TP63: variants seen among roughly 807,000 people sequenced by gnomAD.
The protein encoded by TP63 is tumor protein p63.
A neutral mutation model predicts 82.8 loss-of-function variants in TP63; 17 were observed. The observed-to-expected ratio is 0.21, with a 90% CI of 0.14 to 0.31. TP63 has a LOEUF of 0.31. TP63 is among the 10% of genes least tolerant of loss of function. The pLI is 1.00. For missense variants in TP63, 648 were observed against 895.3 expected, an observed-to-expected ratio of 0.72 and a Z score of 3.52; for synonymous variants, 330 against 321.7, an observed-to-expected ratio of 1.03 and a Z score of -0.28.
chr3:189,605,995 C>T, the TP63 span, among the ~76,000 whole-genome samples: 1 of 152,082 alleles, frequency 6.6e-6, no homozygotes, highest in African/African-American at 2.4e-5. Flanking sequence ...CACTGTGGTT[C>T]CAAAGACCAT....
chr3:189,874,395 G>T (rs184545565), intron 10 of TP63, among the ~76,000 whole-genome samples: 177 of 152,214 alleles, frequency 1.2e-3, no homozygotes, highest in African/African-American at 4.2e-3. Context: ...TAATCAATAT[G>T]AATGTATCTC....
intron 3 of TP63, among the ~76,000 whole-genome samples, chr3:189,807,695 A>T (rs1186721265): frequency 5.3e-5 from 8 of 152,166 alleles, no homozygotes. Flanking sequence ...GCTACCCATG[A>T]TCCTCCAGTC....
rs1243012575 is a variant in TP63, at chr3:189,752,515, T to TA, written c.324+13742dup. On this transcript the variant is annotated intron_variant, in intron 3 of 13. Transcript: ENST00000264731. ...TTAATGTAAGTGGAATCTGTAATGA[T>TA]ATCTTCCACTTTCATTTATCATATT... Among the ~76,000 whole-genome samples the TA allele has an allele frequency of 2.6e-5, 4 of 152,200 alleles. No individual in the cohort carries two copies. The East Asian group carries it at 5.8e-4, about 22-fold the overall frequency.
intron 11 of TP63, among the ~76,000 whole-genome samples, chr3:189,887,297 A>T (rs1720553124): frequency 6.6e-6 from 1 of 152,110 alleles, no homozygotes; most frequent in Non-Finnish European, 1.5e-5. Flanking sequence ...TACTTCTCGA[A>T]TACTTAATTT....
rs778606951 is a variant in TP63 at position 189,894,312 on chromosome 3, G to A, written c.1853G>A (p.Arg618Gln). Reference protein sequence around the residue: ...HEFSSPSHLLRTPSSASTVSV... With the variant: ...HEFSSPSHLLQTPSSASTVSV... ...TTCTCCTCCCCTTCTCATCTCCTGCGGACCCCAAGCAGTGCCTCTACAGTC... is the reference window on the plus strand; with the variant it reads ...TTCTCCTCCCCTTCTCATCTCCTGCAGACCCCAAGCAGTGCCTCTACAGTC... Residue 618 changes from arginine to glutamine, a missense_variant, in exon 14 of 14, where the codon CGG becomes CAG. By Grantham distance (43) the Arg-to-Gln change is conservative (BLOSUM62 1). Transcript: ENST00000264731. 14 of 1,613,370 alleles carry A rather than the reference G, an allele frequency of 8.7e-6. No homozygotes were observed. Among genetic ancestry groups the A allele is most frequent in the East Asian group, 4.5e-5 (2 of 44,816 alleles).
Position 189,895,305 on chromosome 3 carries a change from G to A in TP63, c.*803G>A, listed in dbSNP as rs544230654. ...TGGGAATGAGGAAAATTCTTAAAAG[G>A]CCCATAGCAGCCAGTTCAAAAACAC... On this transcript the variant is annotated 3_prime_UTR_variant, in exon 14 of 14. Coordinates refer to ENST00000264731, the MANE Select transcript of TP63 (RefSeq NM_003722.5). The A allele has an allele frequency of 3.2e-4, 71 of 219,504 alleles. No homozygotes were observed. Among genetic ancestry groups the A allele is most frequent in the African/African-American group, 1.0e-3 (45 of 44,658 alleles). 13.6% of individuals were successfully genotyped at this position (219,504 alleles called of 1,614,324 possible). A position where few individuals can be genotyped will look rare whatever the true frequency, so the allele number is the denominator to read the frequency against.
intron 1 of TP63, among the ~76,000 whole-genome samples, chr3:189,635,336 T>C (rs907025625): frequency 1.3e-5 from 2 of 152,134 alleles, no homozygotes; most frequent in African/African-American, 4.8e-5. Context: ...GAAGTTACAG[T>C]GGAAGATCAT....
chr3:189,694,342 T>G (rs180872651), intron 1 of TP63, among the ~76,000 whole-genome samples: 1 of 152,282 alleles, frequency 6.6e-6, no homozygotes, highest in Non-Finnish European at 1.5e-5. Flanking sequence ...TAACTAAAGT[T>G]CATGCTTTAT....
intron 3 of TP63, among the ~76,000 whole-genome samples, chr3:189,803,580 C>T (rs1448761141): frequency 6.6e-6 from 1 of 152,114 alleles, no homozygotes; most frequent in Non-Finnish European, 1.5e-5. Flanking sequence ...TTATACCTAC[C>T]ATGCAAGCTG....
intron 4 of TP63, among the ~76,000 whole-genome samples, chr3:189,843,260 C>T (rs1714389802): frequency 6.6e-6 from 1 of 151,666 alleles, no homozygotes; most frequent in African/African-American, 2.4e-5. Flanking sequence ...CTAAGTGTCG[C>T]CCCACTCCCA....
At chr3:189,652,832 G>T (rs1009898379) in intron 1 of TP63, among the ~76,000 whole-genome samples, 1 of 146,716 alleles carries the variant, frequency 6.8e-6, no homozygotes, top group Admixed American at 6.7e-5. Context: ...TAAAGGGTTT[G>T]CCACTTTGCT....
At chr3:189,672,664 AGAAGGAAGGAAG>A (rs71173301) in intron 1 of TP63, among the ~76,000 whole-genome samples, 38,911 of 118,394 alleles carry the variant, frequency 0.33, 6,851 homozygotes, top group Non-Finnish European at 0.38. Context: ...AAGGAAGGAA[AGAAGGAAGGAAG>A]GAAGGAAGGA....
chr3:189,817,076 T>C (rs1175480707), intron 4 of TP63, among the ~76,000 whole-genome samples: 1 of 152,140 alleles, frequency 6.6e-6, no homozygotes, highest in Non-Finnish European at 1.5e-5. Flanking sequence ...GCAGGGACCT[T>C]AATTGCTAAT....
chr3:189,742,547 G>A (rs992477625), intron 3 of TP63, among the ~76,000 whole-genome samples: 2 of 152,094 alleles, frequency 1.3e-5, no homozygotes, highest in South Asian at 4.1e-4. Flanking sequence ...TATATGTGAA[G>A]AGGCTTCAGC....
chr3:189,867,793 A>T, intron 6 of TP63, 40 bp from the exon 7 acceptor site: 1 of 1,564,768 alleles, frequency 6.4e-7, no homozygotes, highest in Non-Finnish European at 8.8e-7. Context: ...ACGTCAGTTT[A>T]AACCCTTGTT....
intron 1 of TP63, among the ~76,000 whole-genome samples, chr3:189,684,212 T>C (rs558979908): frequency 6.2e-4 from 95 of 152,344 alleles, no homozygotes; most frequent in African/African-American, 2.2e-3. Context: ...CTATGGTATG[T>C]AAGACACTTT....
At chr3:189,704,130 G>A (rs1026088413) in intron 1 of TP63, among the ~76,000 whole-genome samples, 11 of 152,194 alleles carry the variant, frequency 7.2e-5, no homozygotes, top group African/African-American at 2.7e-4. Flanking sequence ...CTAGCCCTGC[G>A]CAATAGGCTA....
chr3:189,809,169 A>G (rs1332261765), intron 4 of TP63, among the ~76,000 whole-genome samples: 1 of 152,114 alleles, frequency 6.6e-6, no homozygotes, highest in African/African-American at 2.4e-5. Context: ...AAGCCTTTAA[A>G]TAGACATATC....
At position 189,886,539 on chromosome 3, in the gene TP63, A is replaced by G; in HGVS notation, c.1495A>G (p.Met499Val). Residue 499 changes from methionine (M) to valine (V), a missense_variant, in exon 11 of 14, where the codon ATG (methionine) becomes GTG (valine). Physicochemically the swap from Met to Val is conservative, Grantham distance 21. Transcript: ENST00000264731. ...ALTPTTIPDGMGANIPMMGTH... is the reference protein window; with the variant it reads ...ALTPTTIPDGVGANIPMMGTH... ...CACTCCTACAACCATTCCTGATGGC[A>G]TGGGAGCCAACAGTAAGAGCATCTC... The G allele has an allele frequency of 1.2e-6, 2 of 1,614,042 alleles. No homozygotes were observed. Among genetic ancestry groups the G allele is most frequent in the Admixed American group, 1.7e-5 (1 of 60,016 alleles).
Sources: allele counts gnomAD v4.1 joint callset (sites outside exome capture counted in the v4.1 genomes callset), GRCh38; gene constraint gnomAD v4.1.1; transcripts MANE v1.5; gene names NCBI Gene and HGNC (gene_info 2026-07-23, HGNC 2026-07-21).